The following PTPRN2 variants were observed in gnomAD, a reference collection of about 807,000 sequenced individuals.
PTPRN2 encodes the protein protein tyrosine phosphatase receptor type N2, also known as receptor-type tyrosine-protein phosphatase N2.
A neutral mutation model predicts 118.8 loss-of-function variants in PTPRN2; 74 were observed. The ratio of observed to expected loss-of-function variants is 0.62; its 90% CI spans 0.52 to 0.76. The LOEUF is 0.76. Ranked by LOEUF, PTPRN2 falls within the 30% of genes least tolerant of loss-of-function variation. The probability of loss-of-function intolerance (pLI) is 0.00; values close to 1 mark genes in which losing one functional copy is unlikely to be tolerated. For synonymous variants in PTPRN2, 641 were observed against 608.0 expected (o/e 1.05, Z -0.80); for missense variants, 1,481 against 1,394.4 (o/e 1.06, Z -0.99).
chr7:157,553,445 G>A (rs1216162982), intron 21 of PTPRN2, among the ~76,000 whole-genome samples: 4 of 152,220 alleles, frequency 2.6e-5, no homozygotes, highest in African/African-American at 9.6e-5. Flanking sequence ...TCTGGAGATG[G>A]CTGTTGCTGG....
intron 11 of PTPRN2, among the ~76,000 whole-genome samples, chr7:157,935,316 CT>C (rs1157341356): frequency 3.3e-5 from 5 of 152,128 alleles, no homozygotes; most frequent in African/African-American, 1.2e-4. Context: ...CACCTGGGCT[CT>C]TTTTTGTTTC....
chr7:158,363,660 C>T (rs565458284), intron 2 of PTPRN2, among the ~76,000 whole-genome samples: 3 of 152,222 alleles, frequency 2.0e-5, no homozygotes, highest in South Asian at 4.1e-4. Context: ...GCCAGAACTC[C>T]GAGGTGAGAC....
chr7:157,541,489 C>T (rs1244294158), intron 22 of PTPRN2, among the ~76,000 whole-genome samples: 1 of 152,274 alleles, frequency 6.6e-6, no homozygotes, highest in Non-Finnish European at 1.5e-5. Flanking sequence ...CTATTCGCTC[C>T]TCCAAAGACC....
Position 158,138,418 on chromosome 7 carries a change from C to T in PTPRN2, c.1008G>A (p.Met336Ile), listed in dbSNP as rs762369233. Residue 336 changes from methionine (M) to isoleucine (I), a missense_variant, in exon 7 of 23, where the codon ATG (methionine) becomes ATA (isoleucine). Physicochemically the swap from Met to Ile is conservative, Grantham distance 10. This residue lies in a region of PTPRN2 where 1,115 missense variants were observed against 994.2 expected (regional missense o/e 1.12). Transcript: ENST00000389418. The stretch of plus-strand genomic sequence containing the variant: ...GGTCCACGCCTTGCATCAGGCCAGC[C>T]ATCAGCTCAGCCATGCCGTCCAGCT... ...GLELDGMAELMAGLMQGVDHG... is the reference protein window; with the variant it reads ...GLELDGMAELIAGLMQGVDHG... The T allele has an allele frequency of 1.4e-5, 23 of 1,613,516 alleles. No individual in the cohort carries two copies. In the Admixed American group the frequency reaches 3.7e-4, roughly 26 times the overall value.
At chr7:157,952,837 C>T (rs991343415) in intron 11 of PTPRN2, among the ~76,000 whole-genome samples, 1 of 152,166 alleles carries the variant, frequency 6.6e-6, no homozygotes, top group Non-Finnish European at 1.5e-5. Flanking sequence ...TGCTTGCTTT[C>T]AGGTGGAAAC....
At position 157,621,393 on chromosome 7, in the gene PTPRN2, C is replaced by T. The variant is rs1803230813; in HGVS notation, c.2313G>A (p.Val771=). 6.3e-7 allele frequency: 1 copy of T among 1,590,302 alleles called. No homozygotes were observed. Among genetic ancestry groups the T allele is most frequent in the South Asian group, 1.1e-5 (1 of 90,742 alleles). The stretch of plus-strand genomic sequence containing the variant: ...GCACGGCCAGGGAGCGGTTCTTGGG[C>T]ACGTTCTCCTCCCTCTGGGCCACGA... ...SSFVAQREEN[V]PKNRSLAVLT... Residue 771 remains valine (V), a synonymous_variant, in exon 15 of 23, where the codon GTG becomes GTA. Coordinates refer to ENST00000389418, the MANE Select transcript of PTPRN2 (RefSeq NM_002847.5).
chr7:157,604,151 G>A, intron 15 of PTPRN2, 76 bp from the exon 16 acceptor site: 1 of 1,374,340 alleles, frequency 7.3e-7, no homozygotes, highest in Non-Finnish European at 1.0e-6. Flanking sequence ...GGCCTCCAGG[G>A]CCCCCCACCC....
At chr7:158,206,629 G>T (rs1182583514) in intron 3 of PTPRN2, among the ~76,000 whole-genome samples, 1 of 152,048 alleles carries the variant, frequency 6.6e-6, no homozygotes, top group Non-Finnish European at 1.5e-5. Context: ...AAAAAAGTCT[G>T]CCTGGTAATC....
At chr7:158,069,618 TC>T (rs1238226473) in intron 11 of PTPRN2, among the ~76,000 whole-genome samples, 1 of 151,830 alleles carries the variant, frequency 6.6e-6, no homozygotes, top group East Asian at 1.9e-4. Context: ...CCCCACCTCC[TC>T]CATTCTTTAC....
chr7:157,556,624 T>C (rs1015446564), intron 21 of PTPRN2, among the ~76,000 whole-genome samples: 2 of 150,028 alleles, frequency 1.3e-5, no homozygotes, highest in Non-Finnish European at 3.0e-5. Context: ...ACATCATACA[T>C]ATGCACATGC....
chr7:157,807,728 G>A (rs1805720923), intron 12 of PTPRN2, among the ~76,000 whole-genome samples: 1 of 152,316 alleles, frequency 6.6e-6, no homozygotes, highest in South Asian at 2.1e-4. Flanking sequence ...GCAGAGACTA[G>A]GCACCGCCCC....
At chr7:157,906,858 G>A (rs1299344124) in intron 11 of PTPRN2, among the ~76,000 whole-genome samples, 1 of 152,076 alleles carries the variant, frequency 6.6e-6, no homozygotes, top group Non-Finnish European at 1.5e-5. Flanking sequence ...GGCTCGCCAG[G>A]GTCTGAAGCT....
chr7:157,801,113 G>A lies in PTPRN2; in HGVS notation c.1788+97560C>T. ...CACATATATATATGCACATATATAT[G>A]AATACCCAATACCCAATCCACAGCT... is the stretch of plus-strand genomic sequence containing the variant. On this transcript the variant is annotated intron_variant, in intron 12 of 22. Coordinates refer to ENST00000389418, the MANE Select transcript of PTPRN2 (RefSeq NM_002847.5). This position sits in a 1 kb window ranked among gnomAD's most constrained non-coding sequence, Gnocchi z 4.2. Among the ~76,000 whole-genome samples, 1 of 150,342 alleles carries A rather than the reference G, an allele frequency of 6.7e-6. No homozygotes were observed. Among genetic ancestry groups the A allele is most frequent in the Non-Finnish European group, 1.5e-5 (1 of 67,740 alleles).
chr7:158,377,339 T>C (rs934400592), intron 2 of PTPRN2, among the ~76,000 whole-genome samples: 4 of 152,168 alleles, frequency 2.6e-5, no homozygotes, highest in Non-Finnish European at 2.9e-5. Context: ...AGCAATTAGG[T>C]GCGTGTGTGT....
At chr7:158,307,310 A>T (rs1267334409) in intron 3 of PTPRN2, among the ~76,000 whole-genome samples, 1 of 152,242 alleles carries the variant, frequency 6.6e-6, no homozygotes, top group Non-Finnish European at 1.5e-5. Flanking sequence ...TGAAAAATTC[A>T]GTACAGCAGC....
Position 158,143,682 on chromosome 7 carries a change from C to T in PTPRN2, c.911-5167G>A, listed in dbSNP as rs540495125. 1.3e-4 allele frequency among the ~76,000 whole-genome samples: 20 copies of T among 152,306 alleles called. No homozygotes were observed. The South Asian group carries it at 2.5e-3, about 19-fold the overall frequency. On this transcript the variant is annotated intron_variant, in intron 6 of 22. Coordinates refer to ENST00000389418, the MANE Select transcript of PTPRN2 (RefSeq NM_002847.5). ...GTGGGGCAGGAGGGCCCCAGAGTAA[C>T]GACCTGACCAGAGGCCTCGTCTGGG...
intron 3 of PTPRN2, among the ~76,000 whole-genome samples, chr7:158,246,221 C>A (rs1796237862): frequency 6.6e-6 from 1 of 151,806 alleles, no homozygotes; most frequent in South Asian, 2.1e-4. Flanking sequence ...ATAAATACCC[C>A]ACATGAATAA....
intron 12 of PTPRN2, among the ~76,000 whole-genome samples, chr7:157,886,993 C>T (rs10949667): frequency 0.13 from 20,175 of 150,562 alleles, 1,363 homozygotes; most frequent in East Asian, 0.19. Flanking sequence ...CTGGGGCCTT[C>T]GAGGTCCTTG....
intron 1 of PTPRN2, among the ~76,000 whole-genome samples, chr7:158,556,953 C>T (rs73510594): frequency 6.5e-5 from 8 of 123,722 alleles, no homozygotes; most frequent in African/African-American, 2.2e-4. Flanking sequence ...GTCACTCCCA[C>T]GCAGGTCAGG....
Sources: gnomAD v4.1 joint callset for allele counts (sites outside exome capture counted in the v4.1 genomes callset) on GRCh38, gnomAD v4.1.1 for gene constraint, gnomAD v4.1.1 regional missense constraint, Gnocchi (gnomAD v3.1) non-coding constraint, MANE v1.5 for transcripts, NCBI Gene and HGNC (gene_info 2026-07-23, HGNC 2026-07-21) for gene names.